ADGRD1: variants seen among roughly 807,000 people sequenced by gnomAD.
ADGRD1 encodes adhesion G protein-coupled receptor D1, also known as G-protein coupled receptor 133.
Under a neutral mutation model 113.4 loss-of-function variants are expected in ADGRD1, and 77 were observed. The ratio of observed to expected loss-of-function variants is 0.68; its 90% CI spans 0.57 to 0.82. The LOEUF (loss-of-function observed/expected upper bound fraction) is 0.82. Ranked by LOEUF, ADGRD1 falls within the 40% of genes least tolerant of loss-of-function variation. The pLI is 0.00. For synonymous variants in ADGRD1, 474 were observed against 475.0 expected, an observed-to-expected ratio of 1.00 and a Z score of 0.03; for missense variants, 1,036 against 1,139.1, an observed-to-expected ratio of 0.91 and a Z score of 1.30.
chr12:130,962,600 T>C (rs977387762), intron 2 of ADGRD1: 2 of 152,254 alleles, frequency 1.3e-5, no homozygotes, highest in African/African-American at 4.8e-5. Flanking sequence ...TGAATCTTTT[T>C]GATTTTTGCA....
chr12:131,054,534 T>C lies in ADGRD1; in HGVS notation c.1474-22267T>C, dbSNP rs188957118. Among the ~76,000 whole-genome samples the C allele has an allele frequency of 3.3e-3, 499 of 152,270 alleles. 4 individuals carry two copies. Among genetic ancestry groups the C allele is most frequent in the African/African-American group, 0.011 (473 of 41,546 alleles). Reference sequence around the variant, plus strand: ...ACCCAGTGCCCTAGAAGTTCCAAGGTTTCCAGGCCGGCAGGTGTGGACTCA... The same window carrying C: ...ACCCAGTGCCCTAGAAGTTCCAAGGCTTCCAGGCCGGCAGGTGTGGACTCA... On this transcript the variant is annotated intron_variant, in intron 13 of 24. Coordinates refer to ENST00000261654, the MANE Select transcript of ADGRD1 (RefSeq NM_198827.5).
intron 13 of ADGRD1, among the ~76,000 whole-genome samples, chr12:131,046,523 A>ATGCTCCCTCCCTGGTCAC (rs1882813937): frequency 4.9e-5 from 2 of 40,586 alleles, no homozygotes; most frequent in African/African-American, 2.7e-4. Context: ...TCCCTGGTCA[A>ATGCTCCCTCCCTGGTCAC]TGCTCCCTCC....
Position 130,981,941 on chromosome 12 carries a change from C to T in ADGRD1, c.368C>T (p.Ser123Phe). 1 of 1,613,544 alleles carries T rather than the reference C, an allele frequency of 6.2e-7. No individual in the cohort carries two copies. Among genetic ancestry groups the T allele is most frequent in the South Asian group, 1.1e-5 (1 of 91,072 alleles). The change falls in exon 5 of 25, where the codon TCT (serine) becomes TTT (phenylalanine). Residue 123 changes from serine (S) to phenylalanine (F), a missense_variant. Ser to Phe is a radical substitution (Grantham distance 155). Coordinates refer to ENST00000261654, the MANE Select transcript of ADGRD1 (RefSeq NM_198827.5). ...TQGEQSRPIP[S>F]AYGGQVISNG... is the part of the protein sequence containing the mutation. ...GGAGAACAGTCTAGACCAATCCCTT[C>T]TGCGTATGGGGGACAGGTCATCTCC...
At chr12:131,045,725 C>T (rs1882629997) in intron 13 of ADGRD1, among the ~76,000 whole-genome samples, 1 of 152,146 alleles carries the variant, frequency 6.6e-6, no homozygotes, top group South Asian at 2.1e-4. Flanking sequence ...AGTCTCATTC[C>T]GAAGATCATG....
rs911341868 is a variant in ADGRD1, at chr12:131,022,559, T to C, written c.1473+8219T>C. The stretch of plus-strand genomic sequence containing the variant: ...TACTATTTCATCCCACAGGGCGCTG[T>C]CCGGCTCTATCATTACGGATTCTGT... On this transcript the variant is annotated intron_variant, in intron 13 of 24. Transcript: ENST00000261654. This position sits in a 1 kb window ranked among gnomAD's most constrained non-coding sequence, Gnocchi z 4.6. Among the ~76,000 whole-genome samples, 1 of 152,224 alleles carries C rather than the reference T, an allele frequency of 6.6e-6. No individual in the cohort carries two copies. The highest frequency in any genetic ancestry group is 1.5e-5 in the Non-Finnish European group (1 of 68,042).
intron 15 of ADGRD1, among the ~76,000 whole-genome samples, chr12:131,093,720 C>T (rs1887067993): frequency 6.6e-6 from 1 of 152,222 alleles, no homozygotes; most frequent in Admixed American, 6.5e-5. Flanking sequence ...GACCACCTCC[C>T]AATAACACCT....
chr12:131,084,745 G>T lies in ADGRD1; in HGVS notation c.1671+82G>T, dbSNP rs529425871. 7 of 1,484,494 alleles carry T rather than the reference G, an allele frequency of 4.7e-6. No individual in the cohort carries two copies. The highest frequency in any genetic ancestry group is 6.5e-6 in the Non-Finnish European group (7 of 1,083,088). The allele number at this position is 1,484,494 out of a possible 1,614,324, so 92.0% of individuals were successfully genotyped here. The stretch of plus-strand genomic sequence containing the variant: ...GTGGGGGCGGGAGGATGCTTTGCCC[G>T]CCAGTGCCCACGGGCCCTGGGCACA... On this transcript the variant is annotated intron_variant, in intron 15 of 24. Coordinates refer to ENST00000261654, the MANE Select transcript of ADGRD1 (RefSeq NM_198827.5). This position sits in a 1 kb window ranked among gnomAD's most constrained non-coding sequence, Gnocchi z 4.5.
chr12:131,056,202 T>C (rs1370769094), intron 13 of ADGRD1, among the ~76,000 whole-genome samples: 4 of 152,248 alleles, frequency 2.6e-5, no homozygotes, highest in Non-Finnish European at 5.9e-5. Context: ...AGAGGCAGTG[T>C]TAACTTGTTC....
intron 9 of ADGRD1, among the ~76,000 whole-genome samples, chr12:131,001,936 G>C (rs1876439979): frequency 6.6e-6 from 1 of 152,180 alleles, no homozygotes. Context: ...TTGCGTTAGA[G>C]TTTACATTTG....
chr12:131,119,542 C>T (rs1950542767), intron 19 of ADGRD1, among the ~76,000 whole-genome samples: 1 of 152,232 alleles, frequency 6.6e-6, no homozygotes, highest in Non-Finnish European at 1.5e-5. Context: ...GTAATACAAG[C>T]CTTTTCCCAC....
intron 21 of ADGRD1, among the ~76,000 whole-genome samples, chr12:131,132,864 A>G (rs1950973469): frequency 6.6e-6 from 1 of 152,220 alleles, no homozygotes; most frequent in Admixed American, 6.5e-5. Flanking sequence ...GGCAGCTGAC[A>G]TTCTGTACTG....
chr12:130,997,174 C>T (rs1313956054), intron 8 of ADGRD1, among the ~76,000 whole-genome samples: 6 of 86,970 alleles, frequency 6.9e-5, no homozygotes, highest in Admixed American at 4.8e-4. Flanking sequence ...GGCGGCTTGC[C>T]GGGCGGGGGG....
chr12:130,997,340 G>T (rs1485388930), intron 8 of ADGRD1, among the ~76,000 whole-genome samples: 2 of 150,802 alleles, frequency 1.3e-5, no homozygotes, highest in African/African-American at 4.9e-5. Context: ...GGTGGCTGCC[G>T]GGCGGAGACG....
chr12:131,119,540 A>G (rs1420875346), intron 19 of ADGRD1, among the ~76,000 whole-genome samples: 2 of 152,238 alleles, frequency 1.3e-5, no homozygotes, highest in Admixed American at 6.5e-5. Flanking sequence ...CCGTAATACA[A>G]GCCTTTTCCC....
intron 13 of ADGRD1, among the ~76,000 whole-genome samples, chr12:131,045,918 C>T (rs1882655705): frequency 6.6e-6 from 1 of 151,954 alleles, no homozygotes. Context: ...TTGTCCATAT[C>T]CTTCCTGGTG....
chr12:130,987,580 C>T (rs1367540259), intron 6 of ADGRD1: 4 of 575,882 alleles, frequency 6.9e-6, no homozygotes, highest in Non-Finnish European at 1.2e-5. Context: ...TGTTGATCAT[C>T]ACGGGGTTTC....
intron 5 of ADGRD1, among the ~76,000 whole-genome samples, chr12:130,983,336 A>G (rs1021681503): frequency 2.0e-5 from 3 of 152,142 alleles, no homozygotes; most frequent in Non-Finnish European, 4.4e-5. Flanking sequence ...TTCAGCAAAC[A>G]TCTACTTCAA....
intron 4 of ADGRD1, among the ~76,000 whole-genome samples, chr12:130,974,124 C>T: frequency 6.6e-6 from 1 of 152,174 alleles, no homozygotes; most frequent in East Asian, 1.9e-4. Flanking sequence ...GCATGCCTTT[C>T]CCGCTTTCCT....
In ADGRD1 at chr12:131,003,089, G is replaced by A. The variant is rs1876594452; in HGVS notation, c.1027-96G>A. The A allele has an allele frequency of 7.0e-6, 7 of 994,914 alleles. No homozygotes were observed. Among genetic ancestry groups the A allele is most frequent in the Admixed American group, 5.1e-5 (3 of 58,320 alleles). 61.6% of individuals were successfully genotyped at this position (994,914 alleles called of 1,614,324 possible). A position where few individuals can be genotyped will look rare whatever the true frequency, so the allele number is the denominator to read the frequency against. On this transcript the variant is annotated intron_variant, in intron 9 of 24. Coordinates refer to ENST00000261654, the MANE Select transcript of ADGRD1 (RefSeq NM_198827.5). The surrounding 1 kb of genome is among the most constrained non-coding windows in gnomAD (Gnocchi z 4.8). ...GACTTCTTCCTCCCTCGTGGCCAAC[G>A]TGGGGAAACTTGATTTTGTGTGCCT... is the stretch of plus-strand genomic sequence containing the variant.
Sources: allele counts gnomAD v4.1 joint callset (sites outside exome capture counted in the v4.1 genomes callset), GRCh38; gene constraint gnomAD v4.1.1; non-coding constraint Gnocchi (gnomAD v3.1); transcripts MANE v1.5; gene names NCBI Gene and HGNC (gene_info 2026-07-23, HGNC 2026-07-21).